Variants in TYRO3 observed in about 807,000 individuals in gnomAD.
TYRO3 encodes tyrosine-protein kinase receptor TYRO3.
TYRO3 carries 38 observed loss-of-function variants against 95.2 expected under a neutral mutation model. The ratio of observed to expected loss-of-function variants is 0.40; its 90% CI spans 0.31 to 0.52. The LOEUF (loss-of-function observed/expected upper bound fraction) is 0.52, where lower values mean the gene tolerates loss of function less well. TYRO3 is among the 20% of genes least tolerant of loss of function. The pLI is 0.56. For missense variants in TYRO3, 812 were observed against 1,116.4 expected, an observed-to-expected ratio of 0.73 and a Z score of 3.89; for synonymous variants, 367 against 432.9, an observed-to-expected ratio of 0.85 and a Z score of 1.89.
At position 41,582,510 on chromosome 15, in the gene TYRO3, C is replaced by A. The variant is rs2140841463; in HGVS notation, c.*4234C>A. 6.6e-6 allele frequency: 1 copy of A among 150,932 alleles called. No individual in the cohort carries two copies. The highest frequency in any genetic ancestry group is 1.5e-5 in the Non-Finnish European group (1 of 67,832). 9.3% of individuals were successfully genotyped at this position (150,932 alleles called of 1,614,324 possible). A position where few individuals can be genotyped will look rare whatever the true frequency, so the allele number is the denominator to read the frequency against. On this transcript the variant is annotated 3_prime_UTR_variant, in exon 19 of 19. Coordinates refer to ENST00000263798, the MANE Select transcript of TYRO3 (RefSeq NM_006293.4). Reference sequence around the variant, plus strand: ...TTCCAGCTTGGGTGAGAGAGTGAGACTCCATCTCGGAAAAAAAAAAAATTA... The same window carrying A: ...TTCCAGCTTGGGTGAGAGAGTGAGAATCCATCTCGGAAAAAAAAAAAATTA...
At chr15:41,571,471 G>A (rs558911066) in intron 13 of TYRO3, 124 bp from the exon 14 acceptor site, 11 of 712,824 alleles carry the variant, frequency 1.5e-5, no homozygotes, top group Non-Finnish European at 2.6e-5. Flanking sequence ...CCTGCTCATG[G>A]CTGGGCTGTT....
intron 6 of TYRO3, among the ~76,000 whole-genome samples, chr15:41,566,547 T>G (rs2055727369): frequency 6.6e-6 from 1 of 152,102 alleles, no homozygotes; most frequent in African/African-American, 2.4e-5. Flanking sequence ...TGTTCCATCT[T>G]CCCAAGGATG....
chr15:41,572,604 G>T, intron 15 of TYRO3, 40 bp downstream of exon 15: 1 of 1,314,328 alleles, frequency 7.6e-7, no homozygotes, highest in South Asian at 1.3e-5. Flanking sequence ...GGAAACGGGT[G>T]GGAACACAGG....
At chr15:41,573,861 A>G (rs1017233923) in intron 18 of TYRO3, 46 bp downstream of exon 18, 5 of 1,367,570 alleles carry the variant, frequency 3.7e-6, no homozygotes, top group Non-Finnish European at 3.0e-6. Context: ...GGGAATCTGG[A>G]GTTTTGGCTG....
In TYRO3 at chr15:41,564,202, T is replaced by G. The variant is rs375507876; in HGVS notation, c.599T>G (p.Met200Arg). 2.5e-6 allele frequency: 4 copies of G among 1,613,954 alleles called. No homozygotes were observed. In the African/African-American group the frequency reaches 5.3e-5, roughly 22 times the overall value. The stretch of plus-strand genomic sequence containing the variant: ...GCCCCAGGGGTGACCCAGAGCACCA[T>G]GTTTTCCTGTGAAGCTCACAACCTA... ...LNVTGVTQST[M>R]FSCEAHNLKG... is the part of the protein sequence containing the mutation. The change falls in exon 5 of 19, where the codon ATG becomes AGG. Residue 200 changes from methionine to arginine, a missense_variant. Coordinates refer to ENST00000263798, the MANE Select transcript of TYRO3 (RefSeq NM_006293.4).
chr15:41,559,809 G>A (rs993496792), intron 1 of TYRO3, among the ~76,000 whole-genome samples: 1 of 152,234 alleles, frequency 6.6e-6, no homozygotes, highest in Admixed American at 6.5e-5. Flanking sequence ...ATACCATTTA[G>A]GTACACAGGG....
At position 41,583,010 on chromosome 15, in the gene TYRO3, T is replaced by TTTTTTTTTTTTTC. The variant is rs2055938391; in HGVS notation, c.*4736_*4737insTTTTTTTTTTCTT. 1 of 143,900 alleles carries TTTTTTTTTTTTTC rather than the reference T, an allele frequency of 6.9e-6. No individual in the cohort carries two copies. The highest frequency in any genetic ancestry group is 1.5e-5 in the Non-Finnish European group (1 of 65,710). The allele number at this position is 143,900 out of a possible 1,614,324, so 8.9% of individuals were successfully genotyped here. On this transcript the variant is annotated 3_prime_UTR_variant, in exon 19 of 19. Transcript: ENST00000263798. Reference sequence around the variant, plus strand: ...AAATTTTTAAGTGTTTTTTTTTTTTTTTAATACAGAGCCTTGCTCTGTCGC... The same window carrying TTTTTTTTTTTTTC: ...AAATTTTTAAGTGTTTTTTTTTTTTTTTTTTTTTTTTTCTTAATACAGAGCCTTGCTCTGTCGC...
chr15:41,578,694 A>C lies in TYRO3; in HGVS notation c.*418A>C. On this transcript the variant is annotated 3_prime_UTR_variant, in exon 19 of 19. Coordinates refer to ENST00000263798, the MANE Select transcript of TYRO3 (RefSeq NM_006293.4). ...CTGCCTCCAGCCTGGTGGCCCAGCT[A>C]TTACCACACTTGGGGTTTAAATATC... The C allele has an allele frequency of 8.6e-6, 2 of 233,306 alleles. No homozygotes were observed. Among genetic ancestry groups the C allele is most frequent in the East Asian group, 1.3e-4 (1 of 7,910 alleles). 14.5% of individuals were successfully genotyped at this position (233,306 alleles called of 1,614,324 possible).
chr15:41,567,560 C>A, intron 7 of TYRO3, 23 bp downstream of exon 7: 2 of 1,445,362 alleles, frequency 1.4e-6, no homozygotes, highest in Non-Finnish European at 1.8e-6. Context: ...TAGAGCAGAG[C>A]GGGTGGGCAG....
intron 18 of TYRO3, among the ~76,000 whole-genome samples, chr15:41,576,120 A>AT (rs1364685117): frequency 4.0e-5 from 6 of 151,664 alleles, no homozygotes; most frequent in Non-Finnish European, 1.5e-5. Context: ...AAAAAAAAAA[A>AT]AAAAATTAAT....
intron 6 of TYRO3, among the ~76,000 whole-genome samples, chr15:41,565,582 C>CTTTTTTTTTTTTT (rs71104798): frequency 7.5e-6 from 1 of 133,302 alleles, no homozygotes. Flanking sequence ...GCCCAGCTAA[C>CTTTTTTTTTTTTT]TTTTTTTTTT....
intron 16 of TYRO3, 64 bp downstream of exon 16, chr15:41,573,175 G>A (rs1314486350): frequency 1.9e-6 from 3 of 1,581,600 alleles, no homozygotes; most frequent in Non-Finnish European, 1.7e-6. Flanking sequence ...GCTAGCTGAT[G>A]GTCGGCTCCT....
At chr15:41,569,067 G>C in intron 9 of TYRO3, 45 bp downstream of exon 9, 1 of 1,607,740 alleles carries the variant, frequency 6.2e-7, no homozygotes, top group Non-Finnish European at 8.5e-7. Flanking sequence ...GGGGATCAAG[G>C]TTTTCAAGGG....
At chr15:41,560,889 G>A (rs1301042768) in intron 1 of TYRO3, among the ~76,000 whole-genome samples, 4 of 152,078 alleles carry the variant, frequency 2.6e-5, no homozygotes, top group Non-Finnish European at 5.9e-5. Flanking sequence ...GGCTCAGAAG[G>A]AGGACATGGG....
rs1185837666 is a variant in TYRO3 at position 41,581,213 on chromosome 15, G to A, written c.*2937G>A. 1 of 153,616 alleles carries A rather than the reference G, an allele frequency of 6.5e-6. No individual in the cohort carries two copies. Among genetic ancestry groups the A allele is most frequent in the Non-Finnish European group, 1.5e-5 (1 of 68,074 alleles). The allele number at this position is 153,616 out of a possible 1,614,324, so 9.5% of individuals were successfully genotyped here. A position where few individuals can be genotyped will look rare whatever the true frequency, so the allele number is the denominator to read the frequency against. ...AGAAACAAAACAAAACAACAAAAAAGCTTTTAGAGCAAGTTCATGGGAGAT... is the reference window on the plus strand; with the variant it reads ...AGAAACAAAACAAAACAACAAAAAAACTTTTAGAGCAAGTTCATGGGAGAT... On this transcript the variant is annotated 3_prime_UTR_variant, in exon 19 of 19. Coordinates refer to ENST00000263798, the MANE Select transcript of TYRO3 (RefSeq NM_006293.4).
intron 8 of TYRO3, 82 bp downstream of exon 8, chr15:41,568,444 A>G (rs2140826436): frequency 6.9e-7 from 1 of 1,438,854 alleles, no homozygotes; most frequent in South Asian, 1.4e-5. Flanking sequence ...TTTCAAAATG[A>G]TTGTCTTTGG....
chr15:41,567,901 T>C (rs1004993865), intron 7 of TYRO3, among the ~76,000 whole-genome samples: 4 of 152,148 alleles, frequency 2.6e-5, no homozygotes, highest in Non-Finnish European at 5.9e-5. Context: ...GCAAAGACCC[T>C]ATGACAGGAA....
intron 14 of TYRO3, among the ~76,000 whole-genome samples, chr15:41,572,015 A>C (rs2055802760): frequency 6.6e-6 from 1 of 151,730 alleles, no homozygotes; most frequent in Non-Finnish European, 1.5e-5. Context: ...AAAACAAAAC[A>C]AAAAACATAC....
intron 17 of TYRO3, 24 bp from the exon 18 acceptor site, chr15:41,573,655 C>T: frequency 1.2e-6 from 2 of 1,613,880 alleles, no homozygotes; most frequent in Non-Finnish European, 1.7e-6. Context: ...GACAGCTTCT[C>T]CCCCAACCTC....
Sources: allele counts gnomAD v4.1 joint callset (sites outside exome capture counted in the v4.1 genomes callset), GRCh38; gene constraint gnomAD v4.1.1; transcripts MANE v1.5; gene names NCBI Gene and HGNC (gene_info 2026-07-23, HGNC 2026-07-21).